Variants in KPNA6 observed in about 807,000 individuals in gnomAD.
KPNA6 encodes karyopherin subunit alpha 6, also known as importin subunit alpha-7.
A neutral mutation model predicts 72.0 loss-of-function variants in KPNA6; 9 were observed. The observed-to-expected ratio is 0.13, with a 90% CI of 0.08 to 0.22. The LOEUF is 0.22. Among genes scored for constraint, KPNA6 ranks in the 10% least tolerant of loss-of-function variants. KPNA6 has a pLI of 1.00. For missense variants in KPNA6, 374 were observed against 655.7 expected, an observed-to-expected ratio of 0.57 and a Z score of 4.69; for synonymous variants, 219 against 242.1, an observed-to-expected ratio of 0.90 and a Z score of 0.89.
At chr1:32,120,652 C>T (rs1039439936) in intron 1 of KPNA6, among the ~76,000 whole-genome samples, 2 of 136,338 alleles carry the variant, frequency 1.5e-5, no homozygotes, top group Non-Finnish European at 3.2e-5. Flanking sequence ...CTGCAACCTC[C>T]GCCGCCTGGG....
chr1:32,120,024 C>G (rs1269922298), intron 1 of KPNA6, among the ~76,000 whole-genome samples: 12 of 151,974 alleles, frequency 7.9e-5, no homozygotes, highest in Non-Finnish European at 1.5e-5. Context: ...GTGTGAGCCA[C>G]CACGCCCGGC....
chr1:32,157,795 GGGCAGA>G lies in KPNA6; in HGVS notation c.331+352_331+357del, dbSNP rs575036010. Among the ~76,000 whole-genome samples the G allele has an allele frequency of 5.4e-3, 825 of 152,172 alleles. 7 individuals are homozygous for G. The highest frequency in any genetic ancestry group is 0.019 in the African/African-American group (793 of 41,498). ...TCCCACTAGGATATAAACTCTCTGA[GGGCAGA>G]GACTTTTGTTTTTGTTCCCTCCTGT... On this transcript the variant is annotated intron_variant, in intron 4 of 13. Coordinates refer to ENST00000373625, the MANE Select transcript of KPNA6 (RefSeq NM_012316.5).
intron 1 of KPNA6, among the ~76,000 whole-genome samples, chr1:32,152,299 G>C (rs1298442705): frequency 6.6e-6 from 1 of 152,124 alleles, no homozygotes; most frequent in Non-Finnish European, 1.5e-5. Flanking sequence ...CTGCACTCCA[G>C]CCTAGGCAAT....
At chr1:32,114,117 T>C (rs868042975) in intron 1 of KPNA6, among the ~76,000 whole-genome samples, 20 of 152,142 alleles carry the variant, frequency 1.3e-4, no homozygotes, top group Admixed American at 5.9e-4. Context: ...TCTGTATAGC[T>C]ACAGAATGGA....
chr1:32,157,060 C>T (rs1642158842), intron 3 of KPNA6, 115 bp downstream of exon 3: 1 of 719,022 alleles, frequency 1.4e-6, no homozygotes, highest in South Asian at 1.7e-5. Flanking sequence ...AAGTTCTTTC[C>T]TCTGTGGACC....
At chr1:32,141,376 T>C (rs1318540847) in intron 1 of KPNA6, among the ~76,000 whole-genome samples, 1 of 18,148 alleles carries the variant, frequency 5.5e-5, no homozygotes, top group East Asian at 0.011. Context: ...AAGTTAATCC[T>C]TTTTTTTTTT....
chr1:32,165,245 TCA>T (rs1258659285), intron 10 of KPNA6, among the ~76,000 whole-genome samples: 2 of 151,990 alleles, frequency 1.3e-5, no homozygotes, highest in African/African-American at 4.8e-5. Context: ...TTAGAGGGTC[TCA>T]CTATGTTGCC....
At chr1:32,147,166 T>TGGTAACAA (rs1641943522) in intron 1 of KPNA6, among the ~76,000 whole-genome samples, 2 of 152,168 alleles carry the variant, frequency 1.3e-5, no homozygotes, top group Admixed American at 6.6e-5. Context: ...GCAGGTCTAG[T>TGGTAACAA]GGTAACAAAG....
intron 1 of KPNA6, among the ~76,000 whole-genome samples, chr1:32,131,885 A>G (rs968489167): frequency 2.2e-4 from 34 of 151,956 alleles, no homozygotes; most frequent in African/African-American, 7.7e-4. Flanking sequence ...TGTGACAGGC[A>G]GGGATACTAT....
chr1:32,113,693 C>T (rs191892983), intron 1 of KPNA6, among the ~76,000 whole-genome samples: 2 of 152,260 alleles, frequency 1.3e-5, no homozygotes, highest in Admixed American at 1.3e-4. Context: ...CCTGCCTTAG[C>T]CTCCCAAAGT....
chr1:32,153,016 CAAAAAAAAAAAA>C (rs766574019), intron 1 of KPNA6, among the ~76,000 whole-genome samples: 1 of 34,966 alleles, frequency 2.9e-5, no homozygotes, highest in Non-Finnish European at 5.6e-5. Context: ...GACTCCATCT[CAAAAAAAAAAAA>C]AAAAAAAAAA....
chr1:32,133,748 C>G (rs1344796298), intron 1 of KPNA6, among the ~76,000 whole-genome samples: 1 of 152,008 alleles, frequency 6.6e-6, no homozygotes, highest in Non-Finnish European at 1.5e-5. Flanking sequence ...AATTCTATAT[C>G]TGGCCAGGCA....
intron 13 of KPNA6, 54 bp downstream of exon 13, chr1:32,170,114 G>T: frequency 1.3e-6 from 2 of 1,501,848 alleles, no homozygotes; most frequent in South Asian, 2.3e-5. Flanking sequence ...GGCCTCCAAC[G>T]TGGTATACAT....
intron 1 of KPNA6, among the ~76,000 whole-genome samples, chr1:32,123,739 TAAAA>T (rs56952347): frequency 5.0e-5 from 5 of 99,930 alleles, no homozygotes; most frequent in African/African-American, 1.2e-4. Flanking sequence ...GACCCTGTCT[TAAAA>T]AAAAAAAAAA....
chr1:32,135,893 G>A (rs1641726278), intron 1 of KPNA6, among the ~76,000 whole-genome samples: 1 of 151,650 alleles, frequency 6.6e-6, no homozygotes, highest in Admixed American at 6.6e-5. Context: ...TGAATTGTAT[G>A]GTTTAGGAAT....
At position 32,169,931 on chromosome 1, in the gene KPNA6, G is replaced by A; in HGVS notation, c.1294G>A (p.Val432Ile). 1 of 1,614,080 alleles carries A rather than the reference G, an allele frequency of 6.2e-7. No individual in the cohort carries two copies. The highest frequency in any genetic ancestry group is 1.1e-5 in the South Asian group (1 of 91,070). ...CAAACCCCTATGTGACTTGCTGACTGTAATGGATTCGAAGATTGTGCAAGT... is the reference window on the plus strand; with the variant it reads ...CAAACCCCTATGTGACTTGCTGACTATAATGGATTCGAAGATTGTGCAAGT... Reference protein sequence around the residue: ...CIKPLCDLLTVMDSKIVQVAL... With the variant: ...CIKPLCDLLTIMDSKIVQVAL... The change falls in exon 13 of 14, where the codon GTA becomes ATA. Residue 432 changes from valine to isoleucine, a missense_variant. Transcript: ENST00000373625.
At chr1:32,119,263 T>A (rs1011975781) in intron 1 of KPNA6, among the ~76,000 whole-genome samples, 2 of 151,660 alleles carry the variant, frequency 1.3e-5, no homozygotes. Context: ...ACTCCTGACC[T>A]CAGGTTATCC....
At position 32,162,054 on chromosome 1, in the gene KPNA6, A is replaced by C. The variant is rs1271544712; in HGVS notation, c.747+8A>C. ...CCCCCAGAGTTTGCAAAGGTGAGAG[A>C]GCTACTTACTAGACCCTGAGTGACA... On this transcript the variant is annotated splice_region_variant and intron_variant, in intron 8 of 13. Coordinates refer to ENST00000373625, the MANE Select transcript of KPNA6 (RefSeq NM_012316.5). The C allele has an allele frequency of 1.9e-6, 3 of 1,607,324 alleles. No individual in the cohort carries two copies. Among genetic ancestry groups the C allele is most frequent in the East Asian group, 2.2e-5 (1 of 44,854 alleles).
At chr1:32,133,711 G>A (rs1021215914) in intron 1 of KPNA6, among the ~76,000 whole-genome samples, 2 of 151,834 alleles carry the variant, frequency 1.3e-5, no homozygotes, top group Admixed American at 1.3e-4. Flanking sequence ...AAAAAGCAAA[G>A]TGCTGAAAGA....
Sources: allele counts gnomAD v4.1 joint callset (sites outside exome capture counted in the v4.1 genomes callset), GRCh38; gene constraint gnomAD v4.1.1; transcripts MANE v1.5; gene names NCBI Gene and HGNC (gene_info 2026-07-23, HGNC 2026-07-21).